AQP7: variants seen among roughly 807,000 people sequenced by gnomAD.
AQP7 encodes aquaporin 7, also known as aquaporin-7.
Under a neutral mutation model 26.1 loss-of-function variants are expected in AQP7, and 22 were observed. That is an observed-to-expected ratio of 0.84 (90% CI 0.60 to 1.20). The LOEUF (loss-of-function observed/expected upper bound fraction) is 1.20. Among genes scored for constraint, AQP7 ranks in the 50% most tolerant of loss-of-function variants. The probability of loss-of-function intolerance (pLI) is 0.00; values close to 1 mark genes in which losing one functional copy is unlikely to be tolerated. For missense variants in AQP7, 412 were observed against 457.5 expected (o/e 0.90, Z 0.91); for synonymous variants, 167 against 181.7 (o/e 0.92, Z 0.65).
rs749818385 is a variant in AQP7 at position 33,386,197 on chromosome 9, T to G, written c.407-2A>C. 6 of 1,613,992 alleles carry G rather than the reference T, an allele frequency of 3.7e-6. No homozygotes were observed. In the Admixed American group the frequency reaches 1.0e-4, roughly 27 times the overall value. On this transcript the variant is annotated splice_acceptor_variant, in intron 5 of 7. Coordinates refer to ENST00000297988, the MANE Select transcript of AQP7 (RefSeq NM_001170.3). LOFTEE classifies it high-confidence loss of function. Reference sequence around the variant, plus strand: ...CACCCGAAAAGTGGAGAATGGCCGCTGCGGAGACACAGACTGTCATGCGAA... The same window carrying G: ...CACCCGAAAAGTGGAGAATGGCCGCGGCGGAGACACAGACTGTCATGCGAA...
rs1416306736 is a variant in AQP7 at position 33,385,636 on chromosome 9, G to T, written c.743+13C>A. 1 of 1,612,928 alleles carries T rather than the reference G, an allele frequency of 6.2e-7. No individual in the cohort carries two copies. On this transcript the variant is annotated intron_variant, in intron 7 of 7. Coordinates refer to ENST00000297988, the MANE Select transcript of AQP7 (RefSeq NM_001170.3). ...GAAAAACTCAAAGGAATGGGCCTGG[G>T]CAGGGGCAGTACCTGAAGACCTGTT...
intron 3 of AQP7, among the ~76,000 whole-genome samples, chr9:33,390,910 G>A (rs1014512234): frequency 2.6e-5 from 4 of 152,220 alleles, no homozygotes; most frequent in Non-Finnish European, 5.9e-5. Context: ...AGGAGTTCGA[G>A]ACCTGCCTGG....
chr9:33,399,314 G>A (rs1826075387), intron 2 of AQP7, among the ~76,000 whole-genome samples: 1 of 152,050 alleles, frequency 6.6e-6, no homozygotes, highest in Non-Finnish European at 1.5e-5. Context: ...ACATTGGTTG[G>A]CCAGGCATGG....
At position 33,384,305 on chromosome 9, in the gene AQP7, G is replaced by C. The variant is rs1824551963; in HGVS notation, c.*700C>G. The stretch of plus-strand genomic sequence containing the variant: ...CTCTGGCACCAGGAAGAAGAAAGAG[G>C]AGCCCAACCCCTTAACAGCCTTCAA... On this transcript the variant is annotated 3_prime_UTR_variant, in exon 8 of 8. Transcript: ENST00000297988. The C allele has an allele frequency of 6.6e-6, 1 of 152,062 alleles. No individual in the cohort carries two copies. Among genetic ancestry groups the C allele is most frequent in the Admixed American group, 6.6e-5 (1 of 15,260 alleles). The allele number at this position is 152,062 out of a possible 1,614,324, so 9.4% of individuals were successfully genotyped here. A position where few individuals can be genotyped will look rare whatever the true frequency, so the allele number is the denominator to read the frequency against.
intron 3 of AQP7, among the ~76,000 whole-genome samples, chr9:33,394,510 T>A (rs1432472245): frequency 6.6e-6 from 1 of 150,774 alleles, no homozygotes; most frequent in Non-Finnish European, 1.5e-5. Flanking sequence ...TTCTTTTTTT[T>A]TTTTGAGACA....
At chr9:33,393,508 A>G (rs1230512568) in intron 3 of AQP7, among the ~76,000 whole-genome samples, 1 of 151,796 alleles carries the variant, frequency 6.6e-6, no homozygotes, top group Non-Finnish European at 1.5e-5. Flanking sequence ...CTCTCACCCC[A>G]CCTTCCTCTA....
Position 33,385,727 on chromosome 9 carries a change from C to A in AQP7, c.665G>T (p.Gly222Val). 2 of 1,613,984 alleles carry A rather than the reference C, an allele frequency of 1.2e-6. No homozygotes were observed. The highest frequency in any genetic ancestry group is 1.7e-6 in the Non-Finnish European group (2 of 1,180,040). ...GTCCCGGGACGGGTTGATGGCATAT[C>A]CTGTGTTCATGCCAAGGGACACCCC... The part of the protein sequence containing the change: ...IIGVSLGMNT[G>V]YAINPSRDLP... Residue 222 changes from glycine to valine, a missense_variant, in exon 7 of 8, where the codon GGA becomes GTA. Gly to Val is a moderately radical substitution (Grantham distance 109). Coordinates refer to ENST00000297988, the MANE Select transcript of AQP7 (RefSeq NM_001170.3).
intron 3 of AQP7, among the ~76,000 whole-genome samples, chr9:33,394,687 G>A (rs572319845): frequency 2.6e-5 from 4 of 151,870 alleles, no homozygotes; most frequent in East Asian, 1.9e-4. Context: ...TAGTAGAGAC[G>A]GGGTTTCACC....
chr9:33,395,332 C>T lies in AQP7; in HGVS notation c.27-137G>A, dbSNP rs986122519. ...ACACGCCTCCTCTTGCGCAGGGCAG[C>T]TGGGACAGCTGGAATTGGAGACACT... On this transcript the variant is annotated intron_variant, in intron 2 of 7. Transcript: ENST00000297988. The T allele has an allele frequency of 4.3e-6, 3 of 697,448 alleles. No homozygotes were observed. The African/African-American group carries it at 5.4e-5, about 12-fold the overall frequency. The allele number at this position is 697,448 out of a possible 1,614,324, so 43.2% of individuals were successfully genotyped here.
intron 7 of AQP7, 96 bp downstream of exon 7, chr9:33,385,553 A>T (rs1478770179): frequency 6.2e-6 from 9 of 1,455,276 alleles, no homozygotes; most frequent in Non-Finnish European, 6.7e-6. Context: ...GCTCAGCAGG[A>T]CCCTCCTGTG....
chr9:33,387,032 C>T lies in AQP7; in HGVS notation c.205G>A (p.Gly69Ser). 1 of 1,612,002 alleles carries T rather than the reference C, an allele frequency of 6.2e-7. No homozygotes were observed. Among genetic ancestry groups the T allele is most frequent in the Non-Finnish European group, 8.5e-7 (1 of 1,179,822 alleles). The change falls in exon 4 of 8, where the codon GGT becomes AGT. Residue 69 changes from glycine to serine, a missense_variant. Gly to Ser is a moderately conservative substitution (Grantham distance 56). Coordinates refer to ENST00000297988, the MANE Select transcript of AQP7 (RefSeq NM_001170.3). ...VLNKKYGSYL[G>S]VNLGFGFGVT... The stretch of plus-strand genomic sequence containing the variant: ...CCGAAGCCAAAACCCAAGTTGACAC[C>T]AAGGTAGCTCCCATATTTTTTATTT...
At chr9:33,386,732 A>G (rs569208224) in intron 4 of AQP7, among the ~76,000 whole-genome samples, 191 bp from the exon 5 acceptor site, 3 of 152,366 alleles carry the variant, frequency 2.0e-5, no homozygotes, top group African/African-American at 7.2e-5. Context: ...ACTGAGGAAC[A>G]CAGAGGCGAT....
At chr9:33,393,887 TCTCCTC>T (rs1355570803) in intron 3 of AQP7, 1 of 152,396 alleles carries the variant, frequency 6.6e-6, no homozygotes, top group Non-Finnish European at 1.5e-5. Flanking sequence ...CTGCTCTGGT[TCTCCTC>T]CCACCTCTCT....
At chr9:33,386,667 C>G in intron 4 of AQP7, 126 bp from the exon 5 acceptor site, 3 of 1,315,330 alleles carry the variant, frequency 2.3e-6, no homozygotes, top group Admixed American at 4.7e-5. Flanking sequence ...CTCCTTGAGC[C>G]CTCACAACCA....
Position 33,386,528 on chromosome 9 carries a change from G to T in AQP7, c.282C>A (p.Asn94Lys). The change falls in exon 5 of 8, where the codon AAC becomes AAA. Residue 94 changes from asparagine (N) to lysine (K), a missense_variant. Transcript: ENST00000297988. ...CACAGTTAGCAAAGGTCACAGCTGC[G>T]TTCATGTGGGCTCCTGCGGGCAGCA... is the stretch of plus-strand genomic sequence containing the variant. Reference protein sequence around the residue: ...VAGRISGAHMNAAVTFANCAL... With the variant: ...VAGRISGAHMKAAVTFANCAL... 6.2e-7 allele frequency: 1 copy of T among 1,612,074 alleles called. No individual in the cohort carries two copies. Among genetic ancestry groups the T allele is most frequent in the Non-Finnish European group, 8.5e-7 (1 of 1,179,092 alleles).
intron 4 of AQP7, 114 bp downstream of exon 4, chr9:33,386,855 T>A: frequency 6.8e-7 from 1 of 1,477,982 alleles, no homozygotes; most frequent in African/African-American, 1.4e-5. Flanking sequence ...TCCCGCCCGG[T>A]GGCCAGGCTG....
chr9:33,388,010 C>G (rs1327461500), intron 3 of AQP7, among the ~76,000 whole-genome samples: 1 of 152,176 alleles, frequency 6.6e-6, no homozygotes, highest in Admixed American at 6.5e-5. Context: ...CTTCCACTTC[C>G]ACATGTCACA....
intron 3 of AQP7, among the ~76,000 whole-genome samples, chr9:33,391,240 G>A (rs142446903): frequency 0.02 from 3,049 of 152,358 alleles, 114 homozygotes; most frequent in African/African-American, 0.068. Flanking sequence ...ACTTGGTTTT[G>A]AAGAACAGAA....
intron 2 of AQP7, among the ~76,000 whole-genome samples, chr9:33,397,841 C>CTCCT (rs1333174268): frequency 6.6e-6 from 1 of 152,178 alleles, no homozygotes; most frequent in Non-Finnish European, 1.5e-5. Context: ...GGAAGCCTGG[C>CTCCT]TCCTTCCTCA....
Sources: allele counts gnomAD v4.1 joint callset (sites outside exome capture counted in the v4.1 genomes callset), GRCh38; gene constraint gnomAD v4.1.1; transcripts MANE v1.5; gene names NCBI Gene and HGNC (gene_info 2026-07-23, HGNC 2026-07-21).